The following MTA1 variants were observed in gnomAD, a reference collection of about 807,000 sequenced individuals.
MTA1 encodes metastasis associated 1.
MTA1 carries 15 observed loss-of-function variants against 97.0 expected under a neutral mutation model. The ratio of observed to expected loss-of-function variants is 0.15; its 90% confidence interval spans 0.10 to 0.24. MTA1 has a LOEUF of 0.24. Ranked by LOEUF, MTA1 falls within the 10% of genes least tolerant of loss-of-function variation. MTA1 has a pLI of 1.00. For missense variants in MTA1, 709 were observed against 1,015.1 expected (o/e 0.70, Z 4.10); for synonymous variants, 435 against 417.5 (o/e 1.04, Z -0.51).
intron 7 of MTA1, 88 bp from the exon 8 acceptor site, chr14:105,458,182 C>A: frequency 8.8e-7 from 1 of 1,139,302 alleles, no homozygotes; most frequent in Non-Finnish European, 1.3e-6. Context: ...CCTCCCCGTC[C>A]CAGCAGCTCC....
chr14:105,467,077 G>T, intron 18 of MTA1: 1 of 476,136 alleles, frequency 2.1e-6, no homozygotes, highest in South Asian at 2.1e-5. Flanking sequence ...GGCCGCCCGT[G>T]CTGTGCCTGC....
Position 105,458,350 on chromosome 14 carries a change from G to A in MTA1, c.631G>A (p.Asp211Asn), listed in dbSNP as rs1387536848. The A allele has an allele frequency of 3.7e-6, 6 of 1,612,692 alleles. No individual in the cohort carries two copies. Among genetic ancestry groups the A allele is most frequent in the Admixed American group, 1.7e-5 (1 of 60,014 alleles). ...AHNPLTDKQI[D>N]QFLVVARSVG... ...CAACCCACTCACAGACAAGCAGATC[G>A]ACCAGTTCCTGGTGGTGGCCCGGTG... The change falls in exon 8 of 21, where the codon GAC (aspartate) becomes AAC (asparagine). Residue 211 changes from aspartate (D) to asparagine (N), a missense_variant. This residue lies in a region of MTA1 where 321 missense variants were observed against 593.5 expected (regional missense o/e 0.54). Coordinates refer to ENST00000331320, the MANE Select transcript of MTA1 (RefSeq NM_004689.4).
intron 4 of MTA1, among the ~76,000 whole-genome samples, 161 bp from the exon 5 acceptor site, chr14:105,449,897 G>A (rs2082856395): frequency 1.3e-5 from 2 of 152,180 alleles, no homozygotes; most frequent in Admixed American, 6.5e-5. Context: ...CCGCCGGGCC[G>A]CCATAGGGTG....
Position 105,464,388 on chromosome 14 carries a change from C to T in MTA1, c.1193-28C>T, listed in dbSNP as rs782786159. On this transcript the variant is annotated intron_variant, in intron 13 of 20. Transcript: ENST00000331320. Reference sequence around the variant, plus strand: ...ACATCGCTGGTTCTGCTTAAGAATCCGTCTATTTCCAACTTTGTTGTCCGT... The same window carrying T: ...ACATCGCTGGTTCTGCTTAAGAATCTGTCTATTTCCAACTTTGTTGTCCGT... 7.6e-5 allele frequency: 122 copies of T among 1,608,146 alleles called. No homozygotes were observed. In the Admixed American group the frequency reaches 1.4e-3, roughly 19 times the overall value.
intron 1 of MTA1, among the ~76,000 whole-genome samples, chr14:105,437,919 G>C (rs587643238): frequency 6.6e-6 from 1 of 152,242 alleles, no homozygotes; most frequent in Non-Finnish European, 1.5e-5. Flanking sequence ...GCTCCGGAAG[G>C]TTCCGTGGCT....
At chr14:105,461,291 C>T (rs1201956893) in intron 10 of MTA1, among the ~76,000 whole-genome samples, 1 of 152,190 alleles carries the variant, frequency 6.6e-6, no homozygotes, top group African/African-American at 2.4e-5. Context: ...CCCCCTCCAG[C>T]CCCAGGCTTG....
intron 2 of MTA1, among the ~76,000 whole-genome samples, chr14:105,443,038 C>T (rs1029099224): frequency 2.0e-5 from 3 of 152,158 alleles, no homozygotes; most frequent in African/African-American, 4.8e-5. Context: ...GTTCATGGCT[C>T]GCTGAGACAT....
chr14:105,420,603 C>A lies in MTA1; in HGVS notation c.28+540C>A, dbSNP rs2081799594. Among the ~76,000 whole-genome samples, 1 of 152,218 alleles carries A rather than the reference C, an allele frequency of 6.6e-6. No homozygotes were observed. Among genetic ancestry groups the A allele is most frequent in the African/African-American group, 2.4e-5 (1 of 41,466 alleles). ...CAGCAGGGATCCCTCAGGGGGTCTT[C>A]AGCAGGGAGCGAGCATCCCGAGCAC... On this transcript the variant is annotated intron_variant, in intron 1 of 20. Coordinates refer to ENST00000331320, the MANE Select transcript of MTA1 (RefSeq NM_004689.4). This position sits in a 1 kb window ranked among gnomAD's most constrained non-coding sequence, Gnocchi z 5.3.
chr14:105,429,058 T>G (rs958389468), intron 1 of MTA1, among the ~76,000 whole-genome samples: 4 of 152,210 alleles, frequency 2.6e-5, no homozygotes, highest in Non-Finnish European at 5.9e-5. Flanking sequence ...AAATGGCTTC[T>G]TTCCTTGAAC....
chr14:105,458,250 G>A lies in MTA1; in HGVS notation c.551-20G>A, dbSNP rs1555430292. 1 of 1,609,258 alleles carries A rather than the reference G, an allele frequency of 6.2e-7. No individual in the cohort carries two copies. The highest frequency in any genetic ancestry group is 8.5e-7 in the Non-Finnish European group (1 of 1,177,118). ...CGCCGTGGGACCCCGTCTCAGAAAG[G>A]CCACACTTCCTCCCTGTAGGCGAGG... is the stretch of plus-strand genomic sequence containing the variant. On this transcript the variant is annotated intron_variant, in intron 7 of 20. Coordinates refer to ENST00000331320, the MANE Select transcript of MTA1 (RefSeq NM_004689.4).
Position 105,463,867 on chromosome 14 carries a change from G to GCT in MTA1, c.1077-163_1077-162dup. The GCT allele has an allele frequency of 1.4e-6, 1 of 723,216 alleles. No individual in the cohort carries two copies. Among genetic ancestry groups the GCT allele is most frequent in the Non-Finnish European group, 2.4e-6 (1 of 412,884 alleles). 44.8% of individuals were successfully genotyped at this position (723,216 alleles called of 1,614,324 possible). On this transcript the variant is annotated intron_variant, in intron 12 of 20. Coordinates refer to ENST00000331320, the MANE Select transcript of MTA1 (RefSeq NM_004689.4). The surrounding 1 kb of genome is among the most constrained non-coding windows in gnomAD (Gnocchi z 5.9). ...GAGAACGGCTCAGACCTCAGCAGTG[G>GCT]CTCCCAGGAACTGAAAGGGGAGAAA... is the stretch of plus-strand genomic sequence containing the variant.
chr14:105,469,209 G>A, intron 18 of MTA1: 1 of 616,524 alleles, frequency 1.6e-6, no homozygotes, highest in Non-Finnish European at 3.0e-6. Flanking sequence ...TGACTGTCGG[G>A]TCCAAGGCTC....
At chr14:105,469,018 G>A in intron 18 of MTA1, 1 of 362,706 alleles carries the variant, frequency 2.8e-6, no homozygotes, top group South Asian at 2.0e-5. Context: ...TCTGGCCGGG[G>A]CTGGCGGCTC....
At position 105,420,032 on chromosome 14, in the gene MTA1, G is replaced by T; in HGVS notation, c.-4G>T. 1 of 1,069,832 alleles carries T rather than the reference G, an allele frequency of 9.3e-7. No individual in the cohort carries two copies. Among genetic ancestry groups the T allele is most frequent in the South Asian group, 2.8e-5 (1 of 35,774 alleles). The allele number at this position is 1,069,832 out of a possible 1,614,324, so 66.3% of individuals were successfully genotyped here. A position where few individuals can be genotyped will look rare whatever the true frequency, so the allele number is the denominator to read the frequency against. ...CGGGCCCCTCCGCCGCCGCCGGCCCGGACATGGCCGCCAACATGTACAGGG... is the reference window on the plus strand; with the variant it reads ...CGGGCCCCTCCGCCGCCGCCGGCCCTGACATGGCCGCCAACATGTACAGGG... On this transcript the variant is annotated 5_prime_UTR_variant, in exon 1 of 21. Coordinates refer to ENST00000331320, the MANE Select transcript of MTA1 (RefSeq NM_004689.4). This position sits in a 1 kb window ranked among gnomAD's most constrained non-coding sequence, Gnocchi z 5.3.
chr14:105,455,640 C>T (rs1362758484), intron 7 of MTA1, among the ~76,000 whole-genome samples: 2 of 152,348 alleles, frequency 1.3e-5, no homozygotes, highest in South Asian at 2.1e-4. Context: ...CTCAGCCTCC[C>T]GAGTAGCTGG....
At position 105,463,995 on chromosome 14, in the gene MTA1, C is replaced by T. The variant is rs1555431699; in HGVS notation, c.1077-37C>T. 6.2e-6 allele frequency: 10 copies of T among 1,605,180 alleles called. No individual in the cohort carries two copies. The highest frequency in any genetic ancestry group is 2.7e-5 in the African/African-American group (2 of 74,778). On this transcript the variant is annotated intron_variant, in intron 12 of 20. Coordinates refer to ENST00000331320, the MANE Select transcript of MTA1 (RefSeq NM_004689.4). The surrounding 1 kb of genome is among the most constrained non-coding windows in gnomAD (Gnocchi z 5.9). ...CACATGGGCCCTCGAGGTTTGTGCTCCTGCAACTCCTCTCGTCTCTCCTTT... is the reference window on the plus strand; with the variant it reads ...CACATGGGCCCTCGAGGTTTGTGCTTCTGCAACTCCTCTCGTCTCTCCTTT...
chr14:105,434,885 T>G (rs1555424094), intron 1 of MTA1, among the ~76,000 whole-genome samples: 2 of 152,242 alleles, frequency 1.3e-5, no homozygotes, highest in African/African-American at 4.8e-5. Flanking sequence ...TTGTAGACTC[T>G]GGGGATTTCT....
rs2081953696 is a variant in MTA1 at position 105,424,570 on chromosome 14, A to T, written c.28+4507A>T. 6.6e-6 allele frequency among the ~76,000 whole-genome samples: 1 copy of T among 150,944 alleles called. No individual in the cohort carries two copies. The highest frequency in any genetic ancestry group is 1.5e-5 in the Non-Finnish European group (1 of 67,808). The stretch of plus-strand genomic sequence containing the variant: ...GAGTGCAGTGGCACAATCGCGGCTC[A>T]CTGCAACCTCCGCCTCCTGGGTTCT... On this transcript the variant is annotated intron_variant, in intron 1 of 20. Transcript: ENST00000331320. This position sits in a 1 kb window ranked among gnomAD's most constrained non-coding sequence, Gnocchi z 4.0.
intron 4 of MTA1, 125 bp from the exon 5 acceptor site, chr14:105,449,933 A>G (rs2082858081): frequency 7.3e-7 from 1 of 1,369,694 alleles, no homozygotes; most frequent in African/African-American, 1.4e-5. Flanking sequence ...GTCCGGCAGC[A>G]GGAGGAGGCA....
Sources: allele counts gnomAD v4.1 joint callset (sites outside exome capture counted in the v4.1 genomes callset), GRCh38; gene constraint gnomAD v4.1.1; regional missense constraint gnomAD v4.1.1; non-coding constraint Gnocchi (gnomAD v3.1); transcripts MANE v1.5; gene names NCBI Gene and HGNC (gene_info 2026-07-23, HGNC 2026-07-21).